Variants in PDS5A observed in about 807,000 individuals in gnomAD.
PDS5A encodes sister chromatid cohesion protein PDS5 homolog A.
PDS5A carries 42 observed loss-of-function variants against 167.1 expected under a neutral mutation model. That is an observed-to-expected ratio of 0.25 (90% CI 0.20 to 0.33). PDS5A has a LOEUF of 0.33. Among genes scored for constraint, PDS5A ranks in the 10% least tolerant of loss-of-function variants. The pLI is 1.00. For missense variants in PDS5A, 1,033 were observed against 1,605.9 expected, an observed-to-expected ratio of 0.64 and a Z score of 6.10; for synonymous variants, 553 against 554.6, an observed-to-expected ratio of 1.00 and a Z score of 0.04.
chr4:39,903,401 C>T (rs1405123761), intron 12 of PDS5A, among the ~76,000 whole-genome samples: 1 of 152,152 alleles, frequency 6.6e-6, no homozygotes, highest in Non-Finnish European at 1.5e-5. Context: ...TCTTAATTAA[C>T]AAATGAAATA....
chr4:39,958,120 G>A (rs1204152069), intron 2 of PDS5A, among the ~76,000 whole-genome samples: 3 of 152,180 alleles, frequency 2.0e-5, no homozygotes, highest in African/African-American at 4.8e-5. Flanking sequence ...GCAAACTCCC[G>A]AGCTCAAGTG....
chr4:39,957,275 C>T lies in PDS5A; in HGVS notation c.138+19165G>A, dbSNP rs191279498. ...CTTAGGGCCAGCGTGGGGGCTCACACCACTGCACTCCAGCCTGGGGGACAA... is the reference window on the plus strand; with the variant it reads ...CTTAGGGCCAGCGTGGGGGCTCACATCACTGCACTCCAGCCTGGGGGACAA... On this transcript the variant is annotated intron_variant, in intron 2 of 32. Coordinates refer to ENST00000303538, the MANE Select transcript of PDS5A (RefSeq NM_001100399.2). Among the ~76,000 whole-genome samples the T allele has an allele frequency of 8.0e-3, 1,223 of 152,160 alleles. 5 individuals carry two copies. Among genetic ancestry groups the T allele is most frequent in the Middle Eastern group, 0.031 (9 of 294 alleles).
rs908334401 is a variant in PDS5A at position 39,823,452 on chromosome 4, G to A, written c.*2033C>T. ...TTTTATTTAATATGATGTAACACTT[G>A]GTAATCTAGTAAACTGTGATGCCGG... On this transcript the variant is annotated 3_prime_UTR_variant, in exon 33 of 33. Transcript: ENST00000303538. 1.3e-5 allele frequency: 2 copies of A among 152,422 alleles called. No homozygotes were observed. Among genetic ancestry groups the A allele is most frequent in the Admixed American group, 1.3e-4 (2 of 15,218 alleles). 9.4% of individuals were successfully genotyped at this position (152,422 alleles called of 1,614,324 possible).
intron 2 of PDS5A, among the ~76,000 whole-genome samples, chr4:39,944,972 T>C (rs924869429): frequency 2.6e-5 from 4 of 152,218 alleles, no homozygotes; most frequent in Admixed American, 6.5e-5. Flanking sequence ...TATTTGTTTA[T>C]AGGAACCACT....
At chr4:39,830,326 A>C (rs1715745684) in intron 32 of PDS5A, among the ~76,000 whole-genome samples, 1 of 152,170 alleles carries the variant, frequency 6.6e-6, no homozygotes, top group African/African-American at 2.4e-5. Flanking sequence ...AGTAGCTGGG[A>C]CCACAGGTGA....
At chr4:39,938,217 C>T (rs1726832841) in intron 2 of PDS5A, among the ~76,000 whole-genome samples, 1 of 152,198 alleles carries the variant, frequency 6.6e-6, no homozygotes, top group Non-Finnish European at 1.5e-5. Flanking sequence ...GAGGGGGCTG[C>T]CCAGTTTGTG....
At position 39,849,437 on chromosome 4, in the gene PDS5A, CCA is replaced by C; in HGVS notation, c.3219+81_3219+82del. On this transcript the variant is annotated intron_variant, in intron 27 of 32. Transcript: ENST00000303538. ...CTAAAATTTAAATTACTACGTATGG[CCA>C]AAAAAAAAAAAAAAAAACCAAGTGG... is the stretch of plus-strand genomic sequence containing the variant. The C allele has an allele frequency of 2.8e-4, 153 of 537,234 alleles. No individual in the cohort carries two copies. The African/African-American group carries it at 3.7e-3, about 13-fold the overall frequency. The allele number at this position is 537,234 out of a possible 1,614,324, so 33.3% of individuals were successfully genotyped here.
intron 23 of PDS5A, among the ~76,000 whole-genome samples, chr4:39,865,974 T>C (rs1719411298): frequency 6.6e-6 from 1 of 152,228 alleles, no homozygotes. Flanking sequence ...TAAAATGAGA[T>C]GGCAATTTTA....
rs1320341799 is a variant in PDS5A, at chr4:39,825,348, T to C, written c.*137A>G. 1 of 600,964 alleles carries C rather than the reference T, an allele frequency of 1.7e-6. No homozygotes were observed. Among genetic ancestry groups the C allele is most frequent in the South Asian group, 2.5e-5 (1 of 39,846 alleles). 37.2% of individuals were successfully genotyped at this position (600,964 alleles called of 1,614,324 possible). ...ATGTGAAAAGGAAGTAATAGTCTCT[T>C]TAGTTTTCAAGGCAGAGAGTGTGTG... On this transcript the variant is annotated 3_prime_UTR_variant, in exon 33 of 33. Transcript: ENST00000303538.
intron 2 of PDS5A, among the ~76,000 whole-genome samples, chr4:39,948,118 A>G (rs184215948): frequency 1.3e-5 from 2 of 150,822 alleles, no homozygotes; most frequent in African/African-American, 4.9e-5. Context: ...TGGGTATGGT[A>G]GCACGTACCA....
intron 17 of PDS5A, among the ~76,000 whole-genome samples, chr4:39,887,743 G>A (rs1721601325): frequency 6.6e-6 from 1 of 152,102 alleles, no homozygotes; most frequent in Admixed American, 6.5e-5. Flanking sequence ...AAGCTAAAAT[G>A]GTTCTGCACA....
At chr4:39,957,002 G>A (rs13148572) in intron 2 of PDS5A, among the ~76,000 whole-genome samples, 32,827 of 151,974 alleles carry the variant, frequency 0.22, 4,579 homozygotes, top group Middle Eastern at 0.33. Flanking sequence ...ACTTCTGCCA[G>A]AAACAAAGTA....
intron 2 of PDS5A, among the ~76,000 whole-genome samples, chr4:39,939,196 G>A (rs1726979974): frequency 6.6e-6 from 1 of 152,054 alleles, no homozygotes; most frequent in African/African-American, 2.4e-5. Context: ...ATTGTACAGT[G>A]GCTCATGCCC....
chr4:39,824,062 T>A lies in PDS5A; in HGVS notation c.*1423A>T, dbSNP rs1715066106. The A allele has an allele frequency of 6.6e-6, 1 of 152,200 alleles. No homozygotes were observed. The highest frequency in any genetic ancestry group is 2.4e-5 in the African/African-American group (1 of 41,444). The allele number at this position is 152,200 out of a possible 1,614,324, so 9.4% of individuals were successfully genotyped here. A position where few individuals can be genotyped will look rare whatever the true frequency, so the allele number is the denominator to read the frequency against. Reference sequence around the variant, plus strand: ...TGGAGTGAGCACATTCTGCTAGGGCTTTGCGGATGACCCTACAGTGGACAG... The same window carrying A: ...TGGAGTGAGCACATTCTGCTAGGGCATTGCGGATGACCCTACAGTGGACAG... On this transcript the variant is annotated 3_prime_UTR_variant, in exon 33 of 33. Coordinates refer to ENST00000303538, the MANE Select transcript of PDS5A (RefSeq NM_001100399.2).
chr4:39,853,422 T>C (rs1333714171), intron 26 of PDS5A, among the ~76,000 whole-genome samples: 1 of 152,216 alleles, frequency 6.6e-6, no homozygotes, highest in Non-Finnish European at 1.5e-5. Flanking sequence ...CTATCCTATG[T>C]GTCACCAGGA....
chr4:39,954,834 C>T (rs1295159841), intron 2 of PDS5A, among the ~76,000 whole-genome samples: 1 of 151,870 alleles, frequency 6.6e-6, no homozygotes, highest in Non-Finnish European at 1.5e-5. Flanking sequence ...CACGTGAGTC[C>T]AGGAGTTTGA....
chr4:39,852,782 C>T (rs1052563397), intron 26 of PDS5A, among the ~76,000 whole-genome samples: 2 of 152,108 alleles, frequency 1.3e-5, no homozygotes, highest in African/African-American at 2.4e-5. Flanking sequence ...ATGTTCCTTG[C>T]GTTGATTTAG....
chr4:39,863,256 T>C (rs1053389619), intron 24 of PDS5A, 80 bp downstream of exon 24: 1 of 1,137,968 alleles, frequency 8.8e-7, no homozygotes. Context: ...ATTCACATTA[T>C]AAATGGATTT....
chr4:39,926,557 T>C (rs1196576630), intron 4 of PDS5A, among the ~76,000 whole-genome samples: 1 of 151,054 alleles, frequency 6.6e-6, no homozygotes, highest in Non-Finnish European at 1.5e-5. Flanking sequence ...AAACAAAAGA[T>C]ATAGTTTCAA....
Sources: gnomAD v4.1 joint callset for allele counts (sites outside exome capture counted in the v4.1 genomes callset) on GRCh38, gnomAD v4.1.1 for gene constraint, MANE v1.5 for transcripts, NCBI Gene and HGNC (gene_info 2026-07-23, HGNC 2026-07-21) for gene names.